TGM6: variants seen among roughly 807,000 people sequenced by gnomAD.
The protein encoded by TGM6 is transglutaminase 6.
Under a neutral mutation model 77.5 loss-of-function variants are expected in TGM6, and 74 were observed. The ratio of observed to expected loss-of-function variants is 0.96; its 90% confidence interval spans 0.79 to 1.16. TGM6 has a LOEUF of 1.16. Among genes scored for constraint, TGM6 ranks in the 50% most tolerant of loss-of-function variants. The pLI is 0.00. For synonymous variants in TGM6, 383 were observed against 378.9 expected (o/e 1.01, Z -0.12); for missense variants, 968 against 940.2 (o/e 1.03, Z -0.39).
chr20:2,414,764 A>G (rs1459938556), intron 9 of TGM6, among the ~76,000 whole-genome samples: 3 of 152,190 alleles, frequency 2.0e-5, no homozygotes, highest in Non-Finnish European at 4.4e-5. Flanking sequence ...GTGTGAACGA[A>G]CCTTGAAAAC....
intron 1 of TGM6, among the ~76,000 whole-genome samples, chr20:2,386,107 G>A (rs543336092): frequency 3.0e-4 from 45 of 152,226 alleles, no homozygotes; most frequent in African/African-American, 5.3e-4. Flanking sequence ...TTGGGCTGCC[G>A]TATACCTAGG....
In TGM6 at chr20:2,395,421, A is replaced by C. The variant is rs143255596; in HGVS notation, c.409A>C (p.Asn137His). The change falls in exon 3 of 13, where the codon AAC becomes CAC. Residue 137 changes from asparagine (N) to histidine (H), a missense_variant. By Grantham distance (68) the Asn-to-His change is moderately conservative. Coordinates refer to ENST00000202625, the MANE Select transcript of TGM6 (RefSeq NM_198994.3). Reference protein sequence around the residue: ...RRLGEFVLLFNPWCAEDDVFL... With the variant: ...RRLGEFVLLFHPWCAEDDVFL... The stretch of plus-strand genomic sequence containing the variant: ...GCTGGGCGAGTTTGTTCTCCTTTTC[A>C]ACCCATGGTGTGCAGGTAGGAGTGG... 3.7e-5 allele frequency: 60 copies of C among 1,614,198 alleles called. No individual in the cohort carries two copies. The African/African-American group carries it at 7.5e-4, about 20-fold the overall frequency.
chr20:2,429,578 GGCGAACATGGT>G (rs902133357), intron 10 of TGM6, among the ~76,000 whole-genome samples: 3 of 152,066 alleles, frequency 2.0e-5, no homozygotes, highest in Non-Finnish European at 2.9e-5. Context: ...AGACCATCCT[GGCGAACATGGT>G]GAAACCCCAT....
chr20:2,397,886 C>A (rs935749542), intron 4 of TGM6, 32 bp from the exon 5 acceptor site: 6 of 1,614,104 alleles, frequency 3.7e-6, no homozygotes, highest in Non-Finnish European at 5.1e-6. Context: ...TGACTGAACG[C>A]AGCCTCTAAG....
intron 9 of TGM6, among the ~76,000 whole-genome samples, chr20:2,415,188 T>C (rs1281441140): frequency 1.3e-5 from 2 of 152,222 alleles, no homozygotes; most frequent in Non-Finnish European, 2.9e-5. Context: ...AGAACTCACA[T>C]ACATTTTAAT....
chr20:2,397,773 G>T lies in TGM6; in HGVS notation c.544-145G>T, dbSNP rs12106237. 7.5e-4 allele frequency: 962 copies of T among 1,279,278 alleles called. 4 individuals carry two copies. In the African/African-American group the frequency reaches 0.012, roughly 16 times the overall value. The allele number at this position is 1,279,278 out of a possible 1,614,324, so 79.2% of individuals were successfully genotyped here. On this transcript the variant is annotated intron_variant, in intron 4 of 12. Coordinates refer to ENST00000202625, the MANE Select transcript of TGM6 (RefSeq NM_198994.3). ...TTGAGGAAGGGTTTCCAAGACTAGG[G>T]GGTGCTCTGTGATGCCCCTGGTGGT...
At chr20:2,398,976 G>A (rs1391304110) in intron 5 of TGM6, among the ~76,000 whole-genome samples, 1 of 152,032 alleles carries the variant, frequency 6.6e-6, no homozygotes, top group Non-Finnish European at 1.5e-5. Context: ...ATTAACATGA[G>A]TGACAATCCC....
intron 1 of TGM6, among the ~76,000 whole-genome samples, chr20:2,383,035 C>T (rs150041945): frequency 2.6e-3 from 399 of 152,274 alleles, no homozygotes; most frequent in Middle Eastern, 0.024. Context: ...GAGTCACTGC[C>T]TCCTGGTGAA....
intron 1 of TGM6, among the ~76,000 whole-genome samples, chr20:2,390,502 G>A (rs550117673): frequency 2.0e-5 from 3 of 152,260 alleles, no homozygotes; most frequent in Non-Finnish European, 2.9e-5. Flanking sequence ...CTTTCCCTCA[G>A]TTTCCTCATT....
At chr20:2,407,153 C>T (rs1599955668) in intron 9 of TGM6, among the ~76,000 whole-genome samples, 1 of 152,210 alleles carries the variant, frequency 6.6e-6, no homozygotes, top group East Asian at 1.9e-4. Flanking sequence ...CCTCACTCTG[C>T]ACTGCACTGC....
intron 9 of TGM6, among the ~76,000 whole-genome samples, chr20:2,415,395 G>A (rs2084809029): frequency 6.6e-6 from 1 of 152,158 alleles, no homozygotes; most frequent in South Asian, 2.1e-4. Flanking sequence ...AACAGAACTG[G>A]AATGGGATGG....
At chr20:2,398,105 G>C in intron 5 of TGM6, 59 bp downstream of exon 5, 1 of 1,613,404 alleles carries the variant, frequency 6.2e-7, no homozygotes, top group Non-Finnish European at 8.5e-7. Context: ...AGCCAACCCC[G>C]GGGCCACAAC....
intron 2 of TGM6, 112 bp downstream of exon 2, chr20:2,394,737 C>T: frequency 3.2e-6 from 4 of 1,257,960 alleles, no homozygotes; most frequent in Admixed American, 2.0e-5. Context: ...GGAAGCAAGT[C>T]ACTGTAGGTA....
At chr20:2,417,615 C>T in intron 10 of TGM6, 42 bp downstream of exon 10, 2 of 1,560,156 alleles carry the variant, frequency 1.3e-6, no homozygotes, top group Non-Finnish European at 1.7e-6. Flanking sequence ...CAAACCACCT[C>T]CTTTTTCAGG....
chr20:2,428,679 A>C (rs557862965), intron 10 of TGM6, among the ~76,000 whole-genome samples: 61 of 145,494 alleles, frequency 4.2e-4, no homozygotes, highest in African/African-American at 1.4e-3. Context: ...ATATATTATC[A>C]ATAACATAAT....
chr20:2,386,598 C>T (rs1032633619), intron 1 of TGM6, among the ~76,000 whole-genome samples: 1 of 152,100 alleles, frequency 6.6e-6, no homozygotes, highest in African/African-American at 2.4e-5. Flanking sequence ...AGAGGTATGG[C>T]AAGCTGGGAC....
rs1416476161 is a variant in TGM6, at chr20:2,430,945, G to A, written c.1885G>A (p.Val629Ile). The A allele has an allele frequency of 1.2e-6, 2 of 1,614,194 alleles. No homozygotes were observed. ...GGCAGTTACAGTGGAAGTGACAGTA[G>A]TCAACCCCCTCATAGAGAGAGTGAA... ...GVAVTVEVTVVNPLIERVKDC... is the reference protein window; with the variant it reads ...GVAVTVEVTVINPLIERVKDC... Residue 629 changes from valine (V) to isoleucine (I), a missense_variant, in exon 12 of 13, where the codon GTC becomes ATC. Coordinates refer to ENST00000202625, the MANE Select transcript of TGM6 (RefSeq NM_198994.3).
chr20:2,386,514 GC>G (rs1488353057), intron 1 of TGM6, among the ~76,000 whole-genome samples: 6 of 152,144 alleles, frequency 3.9e-5, no homozygotes, highest in Non-Finnish European at 8.8e-5. Flanking sequence ...ATGGGGAGAA[GC>G]TGCAAGAAGA....
Position 2,430,544 on chromosome 20 carries a change from G to A in TGM6, c.1777G>A (p.Gly593Arg), listed in dbSNP as rs776798450. 5 of 1,614,210 alleles carry A rather than the reference G, an allele frequency of 3.1e-6. No individual in the cohort carries two copies. The highest frequency in any genetic ancestry group is 1.7e-5 in the Admixed American group (1 of 60,028). The change falls in exon 11 of 13, where the codon GGA becomes AGA. Residue 593 changes from glycine to arginine, a missense_variant. By Grantham distance (125) the Gly-to-Arg change is moderately radical. Coordinates refer to ENST00000202625, the MANE Select transcript of TGM6 (RefSeq NM_198994.3). ...GGCTGCCATGTGCCTTGTCACCAAA[G>A]GAGAGAAGCTTCTGGTGGAGAAGGA... ...LLAAMCLVTK[G>R]EKLLVEKDIT... is the part of the protein sequence containing the mutation.
Sources: allele counts gnomAD v4.1 joint callset (sites outside exome capture counted in the v4.1 genomes callset), GRCh38; gene constraint gnomAD v4.1.1; transcripts MANE v1.5; gene names NCBI Gene and HGNC (gene_info 2026-07-23, HGNC 2026-07-21).